Variants in SP140 observed in about 807,000 individuals in gnomAD.
SP140 encodes SP140 nuclear body protein.
Under a neutral mutation model 125.0 loss-of-function variants are expected in SP140, and 81 were observed. The observed-to-expected ratio is 0.65, with a 90% CI of 0.54 to 0.78. The LOEUF (loss-of-function observed/expected upper bound fraction) is 0.78, where lower values mean the gene tolerates loss of function less well. Among genes scored for constraint, SP140 ranks in the 30% least tolerant of loss-of-function variants. The pLI is 0.00. For synonymous variants in SP140, 312 were observed against 354.0 expected, an observed-to-expected ratio of 0.88 and a Z score of 1.33; for missense variants, 858 against 1,037.0, an observed-to-expected ratio of 0.83 and a Z score of 2.37.
chr2:230,293,080 A>T (rs1575263918), intron 20 of SP140, among the ~76,000 whole-genome samples: 2 of 152,198 alleles, frequency 1.3e-5, no homozygotes, highest in African/African-American at 2.4e-5. Context: ...AAGGGAGTTG[A>T]CAGTCAAGCA....
chr2:230,264,498 G>A lies in SP140; in HGVS notation c.1241-5034G>A, dbSNP rs765463441. ...TAAATCAGGGATTTCTTCTTGGTTCGGATCCATTGCTGGTGAACTAGTGTG... is the reference window on the plus strand; with the variant it reads ...TAAATCAGGGATTTCTTCTTGGTTCAGATCCATTGCTGGTGAACTAGTGTG... On this transcript the variant is annotated intron_variant, in intron 12 of 26. Transcript: ENST00000392045. Among the ~76,000 whole-genome samples, 6 of 151,962 alleles carry A rather than the reference G, an allele frequency of 3.9e-5. 1 individual carries two copies. Among genetic ancestry groups the A allele is most frequent in the South Asian group, 4.2e-4 (2 of 4,800 alleles).
intron 8 of SP140, among the ~76,000 whole-genome samples, chr2:230,248,653 G>A (rs906001131): frequency 6.6e-6 from 1 of 152,212 alleles, no homozygotes. Flanking sequence ...TTGGAGAGAA[G>A]ATCAGACAAT....
chr2:230,222,229 C>CAAA (rs1204772131), upstream of SP140, among the ~76,000 whole-genome samples: 7 of 77,276 alleles, frequency 9.1e-5, no homozygotes, highest in East Asian at 7.5e-4. Flanking sequence ...GATCCCGCCT[C>CAAA]AAAAAAAAAA....
chr2:230,208,969 G>A lies in SP140; in HGVS notation c.-322-4685G>A, dbSNP rs193268514. Among the ~76,000 whole-genome samples, 502 of 152,346 alleles carry A rather than the reference G, an allele frequency of 3.3e-3. 3 individuals carry two copies. The highest frequency in any genetic ancestry group is 0.012 in the African/African-American group (479 of 41,580). ...GCAAAGAAAAGCAGATGATGGCTTG[G>A]AAGGAGGAAAGGCCAGTGGACTGGT... is the stretch of plus-strand genomic sequence containing the variant. On this transcript the variant is annotated intron_variant, in intron 1 of 4. Transcript: ENST00000456542.
rs1258522908 is a variant in SP140, at chr2:230,253,559, T to C, written c.1159+142T>C. 2.0e-5 allele frequency: 13 copies of C among 666,250 alleles called. No individual in the cohort carries two copies. The East Asian group carries it at 3.3e-4, about 17-fold the overall frequency. The allele number at this position is 666,250 out of a possible 1,614,324, so 41.3% of individuals were successfully genotyped here. On this transcript the variant is annotated intron_variant, in intron 11 of 26. Transcript: ENST00000392045. The stretch of plus-strand genomic sequence containing the variant: ...CAGATGGAATTATGTCAATTTTCTG[T>C]TGGGCTTTTTTTGTAAATTGTGAGA...
upstream of SP140, among the ~76,000 whole-genome samples, chr2:230,223,148 T>C (rs2045962689): frequency 6.6e-6 from 1 of 152,040 alleles, no homozygotes; most frequent in Admixed American, 6.6e-5. Flanking sequence ...GTGATTCTCT[T>C]TCCTCAGCCT....
At chr2:230,275,825 A>G (rs1037003856) in intron 15 of SP140, among the ~76,000 whole-genome samples, 19 of 152,188 alleles carry the variant, frequency 1.2e-4, no homozygotes, top group African/African-American at 4.3e-4. Flanking sequence ...GAATAATAAG[A>G]AAGTAGAACA....
rs929272213 is a variant in SP140, at chr2:230,309,006, CT to C, written c.2059-917del. ...GGTCTCTATATTTGCTCTATAAATT[CT>C]GTTGGTTTTTAATGACCGGGATTTG... On this transcript the variant is annotated intron_variant, in intron 22 of 26. Coordinates refer to ENST00000392045, the MANE Select transcript of SP140 (RefSeq NM_007237.5). Among the ~76,000 whole-genome samples, 26 of 152,298 alleles carry C rather than the reference CT, an allele frequency of 1.7e-4. 1 individual carries two copies. The highest frequency in any genetic ancestry group is 5.5e-4 in the African/African-American group (23 of 41,558).
At chr2:230,294,190 A>G in intron 20 of SP140, 81 bp from the exon 21 acceptor site, 1 of 1,116,970 alleles carries the variant, frequency 9.0e-7, no homozygotes, top group Admixed American at 1.8e-5. Context: ...AGGTAGAAAT[A>G]TTTGGGAGGA....
At chr2:230,244,687 G>A (rs1360851378) in intron 5 of SP140, among the ~76,000 whole-genome samples, 2 of 152,110 alleles carry the variant, frequency 1.3e-5, no homozygotes, top group African/African-American at 4.8e-5. Flanking sequence ...GTGATGGAGG[G>A]CATTGAAGAG....
intron 21 of SP140, among the ~76,000 whole-genome samples, chr2:230,295,001 T>C (rs1430593417): frequency 6.6e-6 from 1 of 152,196 alleles, no homozygotes; most frequent in Non-Finnish European, 1.5e-5. Context: ...AAATCTTTTA[T>C]GTTGATGCCA....
intron 3 of SP140, among the ~76,000 whole-genome samples, chr2:230,216,002 TTCCTTGAGTCTAGGGC>T (rs1265921626): frequency 6.6e-6 from 1 of 152,190 alleles, no homozygotes; most frequent in Non-Finnish European, 1.5e-5. Flanking sequence ...TTATTGGCAC[TTCCTTGAGTCTAGGGC>T]TCAATTAATG....
intron 9 of SP140, among the ~76,000 whole-genome samples, chr2:230,250,627 G>T (rs926136456): frequency 6.6e-6 from 1 of 152,144 alleles, no homozygotes; most frequent in Admixed American, 6.6e-5. Context: ...AGAGAAAAAG[G>T]CAGGAGCAGA....
At chr2:230,294,988 G>A (rs1454256509) in intron 21 of SP140, among the ~76,000 whole-genome samples, 1 of 152,184 alleles carries the variant, frequency 6.6e-6, no homozygotes, top group East Asian at 1.9e-4. Context: ...GGGCTGACCA[G>A]GAAAATCTTT....
intron 18 of SP140, among the ~76,000 whole-genome samples, chr2:230,289,705 C>G (rs141441863): frequency 6.6e-6 from 1 of 152,174 alleles, no homozygotes; most frequent in African/African-American, 2.4e-5. Flanking sequence ...GAACTCCTGA[C>G]GTCAAGTGAT....
rs148338707 is a variant in SP140 at position 230,297,768 on chromosome 2, A to G, written c.2058+306A>G. ...TCTTGAGACAGAGCCTGAAGTGGTA[A>G]TGGGTAGGGCTGGCCTGGTGATTAG... On this transcript the variant is annotated intron_variant, in intron 22 of 26. Transcript: ENST00000392045. Among the ~76,000 whole-genome samples, 159 of 152,328 alleles carry G rather than the reference A, an allele frequency of 1.0e-3. 1 individual carries two copies. Among genetic ancestry groups the G allele is most frequent in the African/African-American group, 3.7e-3 (153 of 41,566 alleles).
intron 3 of SP140, among the ~76,000 whole-genome samples, chr2:230,219,151 G>C (rs1203070345): frequency 6.6e-6 from 1 of 152,236 alleles, no homozygotes; most frequent in Non-Finnish European, 1.5e-5. Flanking sequence ...CTTGAACCTG[G>C]GAGGTGGAGG....
At chr2:230,304,392 A>C (rs762668551) in intron 22 of SP140, among the ~76,000 whole-genome samples, 2 of 152,238 alleles carry the variant, frequency 1.3e-5, no homozygotes, top group Non-Finnish European at 2.9e-5. Flanking sequence ...TCACAGAACT[A>C]GAAAAAACAA....
intron 19 of SP140, among the ~76,000 whole-genome samples, chr2:230,291,932 C>CT (rs2057164237): frequency 2.0e-5 from 3 of 152,256 alleles, no homozygotes; most frequent in African/African-American, 7.2e-5. Context: ...GTCTGTCTGT[C>CT]TTTTTTTATT....
Sources: gnomAD v4.1 joint callset for allele counts (sites outside exome capture counted in the v4.1 genomes callset) on GRCh38, gnomAD v4.1.1 for gene constraint, MANE v1.5 for transcripts, NCBI Gene and HGNC (gene_info 2026-07-23, HGNC 2026-07-21) for gene names.